Variants in METRNL observed in about 807,000 individuals in gnomAD.
The protein encoded by METRNL is meteorin-like protein.
In METRNL, 9 loss-of-function variants were observed where a neutral mutation model predicts 17.4. That is an observed-to-expected ratio of 0.52 (90% confidence interval 0.31 to 0.90). The LOEUF (loss-of-function observed/expected upper bound fraction) is 0.90, where lower values mean the gene tolerates loss of function less well. METRNL is among the 40% of genes least tolerant of loss of function. The probability of loss-of-function intolerance (pLI) is 0.05; values close to 1 mark genes in which losing one functional copy is unlikely to be tolerated. For missense variants in METRNL, 408 were observed against 430.7 expected (o/e 0.95, Z 0.47); for synonymous variants, 215 against 199.3 (o/e 1.08, Z -0.66).
At chr17:83,084,744 C>A (rs1192182663) in intron 1 of METRNL, 194 bp from the exon 2 acceptor site, 6 of 601,440 alleles carry the variant, frequency 1.0e-5, no homozygotes, top group Non-Finnish European at 1.4e-5. Context: ...GGGTGGGGCC[C>A]TTGTGCCGAA....
intron 2 of METRNL, among the ~76,000 whole-genome samples, chr17:83,087,468 G>A (rs1274356147): frequency 6.6e-6 from 1 of 152,186 alleles, no homozygotes; most frequent in Non-Finnish European, 1.5e-5. Flanking sequence ...GGGCCCTCAC[G>A]AGAGGCCTCT....
intron 1 of METRNL, 66 bp from the exon 2 acceptor site, chr17:83,084,872 C>T (rs1373177352): frequency 5.8e-6 from 9 of 1,546,056 alleles, no homozygotes; most frequent in African/African-American, 4.1e-5. Context: ...CACTGACTCT[C>T]TGTGGGTGCG....
intron 2 of METRNL, among the ~76,000 whole-genome samples, chr17:83,092,235 C>A (rs1285288577): frequency 1.3e-5 from 2 of 152,222 alleles, no homozygotes; most frequent in African/African-American, 4.8e-5. Context: ...GGGGAAGGGG[C>A]CGGGCCGATG....
At chr17:83,082,127 CCGT>C in intron 1 of METRNL, 1 of 985,412 alleles carries the variant, frequency 1.0e-6, no homozygotes, top group Non-Finnish European at 1.2e-6. Context: ...GACCAGCGCC[CCGT>C]CTTTATCAGC....
chr17:83,092,912 C>G (rs1600494530), intron 2 of METRNL, among the ~76,000 whole-genome samples: 1 of 152,122 alleles, frequency 6.6e-6, no homozygotes, highest in South Asian at 2.1e-4. Flanking sequence ...TGCCTTTGGT[C>G]CAGGTGGGGC....
intron 2 of METRNL, among the ~76,000 whole-genome samples, chr17:83,089,845 C>T (rs7207886): frequency 0.26 from 40,143 of 151,966 alleles, 5,969 homozygotes; most frequent in African/African-American, 0.41. Context: ...GTGCTCCTTA[C>T]GAGCTCAGCT....
chr17:83,082,204 G>A, intron 1 of METRNL: 2 of 985,406 alleles, frequency 2.0e-6, no homozygotes, highest in East Asian at 1.1e-4. Context: ...TCGCAGGTGC[G>A]GTCACACCTG....
intron 2 of METRNL, among the ~76,000 whole-genome samples, chr17:83,086,121 T>C (rs1481756921): frequency 6.6e-6 from 1 of 152,222 alleles, no homozygotes; most frequent in African/African-American, 2.4e-5. Flanking sequence ...CATGAGGTCC[T>C]GGGAGGCACC....
At chr17:83,090,895 C>T (rs2038125622) in intron 2 of METRNL, among the ~76,000 whole-genome samples, 1 of 152,126 alleles carries the variant, frequency 6.6e-6, no homozygotes, top group African/African-American at 2.4e-5. Context: ...CTCTGTCCAG[C>T]ACGTGCCTGC....
intron 2 of METRNL, among the ~76,000 whole-genome samples, chr17:83,089,932 G>T (rs886961200): frequency 4.0e-5 from 6 of 151,166 alleles, no homozygotes; most frequent in African/African-American, 9.7e-5. Flanking sequence ...CACCCCTGCC[G>T]TCAGCCGGGT....
chr17:83,085,664 T>C (rs755078770), intron 2 of METRNL, among the ~76,000 whole-genome samples: 1 of 152,216 alleles, frequency 6.6e-6, no homozygotes, highest in Non-Finnish European at 1.5e-5. Context: ...CGGCATGGCC[T>C]TGGCCGAGCG....
At chr17:83,089,995 C>G (rs1025562203) in intron 2 of METRNL, among the ~76,000 whole-genome samples, 1 of 152,048 alleles carries the variant, frequency 6.6e-6, no homozygotes, top group Non-Finnish European at 1.5e-5. Flanking sequence ...CATCCTCCCC[C>G]TCGGCCGTCC....
intron 3 of METRNL, among the ~76,000 whole-genome samples, chr17:83,093,557 A>G (rs1192349191): frequency 6.6e-6 from 1 of 152,180 alleles, no homozygotes; most frequent in East Asian, 1.9e-4. Flanking sequence ...TGCTTTGTAA[A>G]CAGCATTTTA....
At chr17:83,087,847 G>T (rs951978182) in intron 2 of METRNL, among the ~76,000 whole-genome samples, 8 of 152,100 alleles carry the variant, frequency 5.3e-5, no homozygotes, top group Non-Finnish European at 1.2e-4. Context: ...TCGTCTGTGT[G>T]TCAGAAGTTC....
At chr17:83,088,393 G>T (rs1334227612) in intron 2 of METRNL, among the ~76,000 whole-genome samples, 1 of 152,204 alleles carries the variant, frequency 6.6e-6, no homozygotes, top group Non-Finnish European at 1.5e-5. Context: ...GGGCTGTCTG[G>T]TTCTGGGGTA....
chr17:83,085,634 A>G (rs2143625247), intron 2 of METRNL, among the ~76,000 whole-genome samples: 1 of 152,278 alleles, frequency 6.6e-6, no homozygotes, highest in Middle Eastern at 3.4e-3. Flanking sequence ...AGACTGGCCC[A>G]TCTGGGTTAG....
chr17:83,081,062 C>A (rs1253867604), intron 1 of METRNL, among the ~76,000 whole-genome samples: 3 of 151,590 alleles, frequency 2.0e-5, no homozygotes, highest in African/African-American at 7.3e-5. Context: ...GGAGCCTCCC[C>A]GGGGGAAGGG....
chr17:83,089,859 G>A (rs996223748), intron 2 of METRNL, among the ~76,000 whole-genome samples: 3 of 152,190 alleles, frequency 2.0e-5, no homozygotes, highest in East Asian at 3.9e-4. Flanking sequence ...CTCAGCTGTC[G>A]TTGGGTCGTC....
chr17:83,089,968 C>G (rs747289477), intron 2 of METRNL, among the ~76,000 whole-genome samples: 1 of 151,926 alleles, frequency 6.6e-6, no homozygotes, highest in African/African-American at 2.4e-5. Flanking sequence ...ACCCAGGGCA[C>G]GTGAGGGCAG....
Sources: gnomAD v4.1 joint callset for allele counts (sites outside exome capture counted in the v4.1 genomes callset) on GRCh38, gnomAD v4.1.1 for gene constraint, MANE v1.5 for transcripts, NCBI Gene and HGNC (gene_info 2026-07-23, HGNC 2026-07-21) for gene names.